ZFPM2: variants seen among roughly 807,000 people sequenced by gnomAD.
ZFPM2 encodes zinc finger protein ZFPM2.
In ZFPM2, 20 loss-of-function variants were observed where a neutral mutation model predicts 98.6. The ratio of observed to expected loss-of-function variants is 0.20; its 90% CI spans 0.14 to 0.29. The LOEUF (loss-of-function observed/expected upper bound fraction) is 0.29. Ranked by LOEUF, ZFPM2 falls within the 10% of genes least tolerant of loss-of-function variation. The probability of loss-of-function intolerance (pLI) is 1.00; values close to 1 mark genes in which losing one functional copy is unlikely to be tolerated. For missense variants in ZFPM2, 1,310 were observed against 1,388.6 expected, an observed-to-expected ratio of 0.94 and a Z score of 0.90; for synonymous variants, 518 against 502.7, an observed-to-expected ratio of 1.03 and a Z score of -0.41.
chr8:105,614,360 G>A (rs1816369955), intron 4 of ZFPM2, among the ~76,000 whole-genome samples: 1 of 152,040 alleles, frequency 6.6e-6, no homozygotes, highest in Non-Finnish European at 1.5e-5. Flanking sequence ...TGATTCATCA[G>A]TTATGTCTTC....
At chr8:105,449,920 T>C (rs2130247525) in intron 3 of ZFPM2, among the ~76,000 whole-genome samples, 2 of 152,240 alleles carry the variant, frequency 1.3e-5, no homozygotes, top group African/African-American at 4.8e-5. Context: ...TGTTAAACAT[T>C]AGTTGCAGTG....
At chr8:105,328,245 A>G (rs1400426801) in intron 1 of ZFPM2, among the ~76,000 whole-genome samples, 3 of 151,774 alleles carry the variant, frequency 2.0e-5, no homozygotes, top group Admixed American at 2.0e-4. Context: ...TGGGGGATGG[A>G]TGTATATTGA....
intron 4 of ZFPM2, among the ~76,000 whole-genome samples, chr8:105,606,094 A>T (rs1464074576): frequency 6.6e-6 from 1 of 152,236 alleles, no homozygotes; most frequent in African/African-American, 2.4e-5. Context: ...AAATTCTCAC[A>T]TATTTTTATT....
At chr8:105,431,496 A>C (rs770380699) in intron 2 of ZFPM2, among the ~76,000 whole-genome samples, 1 of 152,220 alleles carries the variant, frequency 6.6e-6, no homozygotes, top group Non-Finnish European at 1.5e-5. Context: ...AAGTAAACAC[A>C]GGGAAGGTCC....
chr8:105,638,001 A>G (rs1279991690), intron 5 of ZFPM2, among the ~76,000 whole-genome samples: 1 of 151,960 alleles, frequency 6.6e-6, no homozygotes, highest in Non-Finnish European at 1.5e-5. Context: ...ATCTGCTCAT[A>G]TAACTGAGAG....
At chr8:105,783,210 G>GTT (rs753557703) in intron 5 of ZFPM2, among the ~76,000 whole-genome samples, 895 of 88,824 alleles carry the variant, frequency 0.01, 1 homozygote, top group East Asian at 0.013. Flanking sequence ...TTTCTTTATG[G>GTT]TTTTTTTTTT....
At chr8:105,557,044 C>T (rs1815011814) in intron 3 of ZFPM2, among the ~76,000 whole-genome samples, 1 of 152,024 alleles carries the variant, frequency 6.6e-6, no homozygotes, top group Non-Finnish European at 1.5e-5. Flanking sequence ...TTCTTACTTT[C>T]ATAAATTTTC....
At chr8:105,413,342 C>T (rs1464687104) in intron 1 of ZFPM2, among the ~76,000 whole-genome samples, 1 of 151,418 alleles carries the variant, frequency 6.6e-6, no homozygotes, top group Non-Finnish European at 1.5e-5. Context: ...ATAGAGTATA[C>T]CTATGTAGAG....
intron 1 of ZFPM2, among the ~76,000 whole-genome samples, chr8:105,392,480 T>A (rs571474802): frequency 2.0e-5 from 3 of 152,158 alleles, no homozygotes; most frequent in Non-Finnish European, 4.4e-5. Flanking sequence ...GCACATATAC[T>A]TGTAAAATGT....
intron 3 of ZFPM2, among the ~76,000 whole-genome samples, chr8:105,466,295 G>GA (rs1812795189): frequency 6.6e-6 from 1 of 151,828 alleles, no homozygotes; most frequent in African/African-American, 2.4e-5. Context: ...TGTGGTACTG[G>GA]AAAAAATGCT....
At chr8:105,796,011 T>TTAAC (rs1268372301) in intron 6 of ZFPM2, 5 of 198,416 alleles carry the variant, frequency 2.5e-5, no homozygotes, top group Admixed American at 6.0e-5. Context: ...AATAAAATAT[T>TTAAC]TAACTGTAAT....
At chr8:105,390,947 T>G (rs1043867037) in intron 1 of ZFPM2, among the ~76,000 whole-genome samples, 1 of 152,164 alleles carries the variant, frequency 6.6e-6, no homozygotes, top group Non-Finnish European at 1.5e-5. Context: ...AACACATGAA[T>G]GCAGGGTAAA....
chr8:105,457,380 ATTAAT>A (rs1172369343), intron 3 of ZFPM2, among the ~76,000 whole-genome samples: 1 of 152,230 alleles, frequency 6.6e-6, no homozygotes, highest in Non-Finnish European at 1.5e-5. Context: ...CATTGAATTA[ATTAAT>A]TTAATTAGTT....
At chr8:105,547,153 G>T (rs1055281109) in intron 3 of ZFPM2, among the ~76,000 whole-genome samples, 4 of 152,082 alleles carry the variant, frequency 2.6e-5, no homozygotes, top group Admixed American at 6.5e-5. Context: ...TGTGCATAAT[G>T]ATTTCCATAT....
At chr8:105,652,099 A>C (rs1817190465) in intron 5 of ZFPM2, among the ~76,000 whole-genome samples, 1 of 151,820 alleles carries the variant, frequency 6.6e-6, no homozygotes, top group Non-Finnish European at 1.5e-5. Context: ...ACATCTTTGC[A>C]TAGCAGCCAT....
chr8:105,659,019 G>A (rs1327485919), intron 5 of ZFPM2, among the ~76,000 whole-genome samples: 1 of 152,178 alleles, frequency 6.6e-6, no homozygotes, highest in African/African-American at 2.4e-5. Context: ...GGAATAAAAT[G>A]TATCAGGAGG....
intron 5 of ZFPM2, chr8:105,780,252 CA>C (rs1176401256): frequency 6.6e-6 from 1 of 152,166 alleles, no homozygotes. Flanking sequence ...AGGAAGGTAT[CA>C]GATAGCTGCT....
intron 3 of ZFPM2, among the ~76,000 whole-genome samples, chr8:105,535,801 A>G (rs558989808): frequency 6.6e-6 from 1 of 152,308 alleles, no homozygotes; most frequent in Non-Finnish European, 1.5e-5. Context: ...GGGATGCTAG[A>G]GATTTATGTT....
At chr8:105,337,783 A>G (rs1168269108) in intron 1 of ZFPM2, among the ~76,000 whole-genome samples, 1 of 151,364 alleles carries the variant, frequency 6.6e-6, no homozygotes, top group Admixed American at 6.6e-5. Context: ...AATGAAAAAT[A>G]ATCAGATGAG....
Sources: gnomAD v4.1 joint callset for allele counts (sites outside exome capture counted in the v4.1 genomes callset) on GRCh38, gnomAD v4.1.1 for gene constraint, MANE v1.5 for transcripts, NCBI Gene and HGNC (gene_info 2026-07-23, HGNC 2026-07-21) for gene names.